The following SLC44A3 variants were observed in gnomAD, a reference collection of about 807,000 sequenced individuals.
SLC44A3 encodes the protein choline transporter-like protein 3.
SLC44A3 carries 74 observed loss-of-function variants against 75.4 expected under a neutral mutation model. That is an observed-to-expected ratio of 0.98 (90% CI 0.81 to 1.19). The LOEUF (loss-of-function observed/expected upper bound fraction) is 1.19. SLC44A3 is among the 50% of genes most tolerant of loss of function. SLC44A3 has a pLI of 0.00. For missense variants in SLC44A3, 700 were observed against 778.6 expected (o/e 0.90, Z 1.20); for synonymous variants, 310 against 296.9 (o/e 1.04, Z -0.45).
At chr1:94,821,681 G>A (rs1660608621) in intron 2 of SLC44A3, among the ~76,000 whole-genome samples, 1 of 152,110 alleles carries the variant, frequency 6.6e-6, no homozygotes, top group Admixed American at 6.5e-5. Context: ...AGAATTGTAG[G>A]TAACAGCAGA....
chr1:94,859,759 A>C (rs1287856917), intron 10 of SLC44A3, among the ~76,000 whole-genome samples: 6 of 152,166 alleles, frequency 3.9e-5, no homozygotes, highest in East Asian at 1.9e-4. Context: ...AAGCCTAAAC[A>C]CTGAAATGAG....
intron 1 of SLC44A3, chr1:94,820,713 T>C: frequency 1.4e-6 from 2 of 1,388,176 alleles, no homozygotes; most frequent in South Asian, 3.5e-5. Context: ...CGTCCTCAGG[T>C]GCACCTCCAG....
intron 12 of SLC44A3, among the ~76,000 whole-genome samples, chr1:94,876,030 G>A (rs970659177): frequency 6.6e-6 from 1 of 152,222 alleles, no homozygotes; most frequent in African/African-American, 2.4e-5. Flanking sequence ...CAGATGTGGG[G>A]ATCTGGCAGC....
chr1:94,832,205 A>G (rs545520323), intron 5 of SLC44A3, among the ~76,000 whole-genome samples: 42 of 152,086 alleles, frequency 2.8e-4, no homozygotes, highest in African/African-American at 9.9e-4. Context: ...CTAATGAAAT[A>G]CTCTAAATCT....
At chr1:94,885,869 A>C (rs540552926) in intron 12 of SLC44A3, among the ~76,000 whole-genome samples, 2 of 152,348 alleles carry the variant, frequency 1.3e-5, no homozygotes, top group African/African-American at 4.8e-5. Context: ...ATTTACACAC[A>C]GAAGTTGCAC....
chr1:94,881,628 C>A (rs983364401), intron 12 of SLC44A3, among the ~76,000 whole-genome samples: 2 of 150,752 alleles, frequency 1.3e-5, no homozygotes. Flanking sequence ...GGCGTGAACC[C>A]GGGAGGCGAA....
At chr1:94,867,247 A>G (rs1667269478) in intron 11 of SLC44A3, 84 bp from the exon 12 acceptor site, 2 of 1,236,668 alleles carry the variant, frequency 1.6e-6, no homozygotes, top group Middle Eastern at 2.4e-4. Context: ...CATAAGTAAA[A>G]ACTGTGTTTC....
At chr1:94,826,624 C>A (rs1027237429) in intron 3 of SLC44A3, among the ~76,000 whole-genome samples, 6 of 127,678 alleles carry the variant, frequency 4.7e-5, no homozygotes, top group African/African-American at 1.2e-4. Context: ...GGTGACAGAG[C>A]GAGACTCTGT....
At chr1:94,868,303 T>A (rs1203725927) in intron 12 of SLC44A3, among the ~76,000 whole-genome samples, 2 of 152,148 alleles carry the variant, frequency 1.3e-5, no homozygotes, top group Non-Finnish European at 2.9e-5. Flanking sequence ...AATTGCCCCC[T>A]CCCAAAGAAA....
intron 9 of SLC44A3, among the ~76,000 whole-genome samples, chr1:94,853,243 G>A (rs912189582): frequency 7.9e-5 from 12 of 152,142 alleles, no homozygotes; most frequent in Admixed American, 2.0e-4. Flanking sequence ...AGATGTGCGC[G>A]GTCCAGTGTG....
At chr1:94,868,272 A>G (rs17579604) in intron 12 of SLC44A3, among the ~76,000 whole-genome samples, 20,802 of 152,182 alleles carry the variant, frequency 0.14, 1,652 homozygotes, top group Admixed American at 0.23. Context: ...CAGAAATCTC[A>G]CTTAGAAAAG....
intron 12 of SLC44A3, among the ~76,000 whole-genome samples, chr1:94,870,421 G>T (rs1371610174): frequency 1.3e-5 from 2 of 152,164 alleles, no homozygotes. Context: ...TGACAGTACA[G>T]AAAAGTACAT....
chr1:94,888,523 C>A, intron 12 of SLC44A3: 1 of 240,078 alleles, frequency 4.2e-6, no homozygotes, highest in Non-Finnish European at 6.7e-6. Flanking sequence ...CATCCCTGCA[C>A]AAGACTCAGG....
At position 94,845,307 on chromosome 1, in the gene SLC44A3, CAGAAAG is replaced by C. The variant is rs1664266132; in HGVS notation, c.920_925del (p.Lys307_Arg308del). 6.2e-7 allele frequency: 1 copy of C among 1,611,912 alleles called. No individual in the cohort carries two copies. The highest frequency in any genetic ancestry group is 8.5e-7 in the Non-Finnish European group (1 of 1,179,318). On this transcript the variant is annotated inframe_deletion, in exon 9 of 15. Transcript: ENST00000271227. ...TGCTGCTCGTCTTGATTTTTGTTCT[CAGAAAG>C]AGAATAAAATTGACAGTTGAGCTTT... is the stretch of plus-strand genomic sequence containing the variant.
intron 10 of SLC44A3, among the ~76,000 whole-genome samples, chr1:94,861,522 A>T (rs1666570836): frequency 1.3e-5 from 2 of 152,378 alleles, no homozygotes; most frequent in South Asian, 2.1e-4. Context: ...TGATTAAAAA[A>T]AATTAATTTA....
intron 2 of SLC44A3, 130 bp downstream of exon 2, chr1:94,821,186 A>C: frequency 1.3e-6 from 1 of 745,578 alleles, no homozygotes; most frequent in Non-Finnish European, 2.2e-6. Context: ...AATAAACATC[A>C]GTTTGTACTC....
At chr1:94,847,966 C>G (rs538893536) in intron 9 of SLC44A3, among the ~76,000 whole-genome samples, 10 of 152,240 alleles carry the variant, frequency 6.6e-5, no homozygotes, top group African/African-American at 2.4e-4. Context: ...CAGTGGCTCA[C>G]GCCTGTAATC....
Position 94,873,076 on chromosome 1 carries a change from TA to T in SLC44A3, c.1482+5663del, listed in dbSNP as rs147159266. On this transcript the variant is annotated intron_variant, in intron 12 of 14. Coordinates refer to ENST00000271227, the MANE Select transcript of SLC44A3 (RefSeq NM_001114106.3). Reference sequence around the variant, plus strand: ...TTCTGCTATAACATATAGTGATAAATAAAATAACTGGTGATGAGATACTGGT... The same window carrying T: ...TTCTGCTATAACATATAGTGATAAATAAATAACTGGTGATGAGATACTGGT... Among the ~76,000 whole-genome samples, 1,298 of 152,294 alleles carry T rather than the reference TA, an allele frequency of 8.5e-3. 11 individuals carry two copies. The highest frequency in any genetic ancestry group is 0.014 in the Non-Finnish European group (948 of 68,020).
In SLC44A3 at chr1:94,884,811, A is replaced by C. The variant is rs1669385251; in HGVS notation, c.1483-6319A>C. 2.0e-5 allele frequency among the ~76,000 whole-genome samples: 3 copies of C among 152,182 alleles called. No individual in the cohort carries two copies. In the South Asian group the frequency reaches 6.2e-4, roughly 32 times the overall value. On this transcript the variant is annotated intron_variant, in intron 12 of 14. Coordinates refer to ENST00000271227, the MANE Select transcript of SLC44A3 (RefSeq NM_001114106.3). ...TAAGCGTTTGATTTCAGGAGTAAAA[A>C]AACGCTCTTTCTATGTTAAAGCTGC...
Sources: allele counts gnomAD v4.1 joint callset (sites outside exome capture counted in the v4.1 genomes callset), GRCh38; gene constraint gnomAD v4.1.1; transcripts MANE v1.5; gene names NCBI Gene and HGNC (gene_info 2026-07-23, HGNC 2026-07-21).